Variants in FHIT observed in about 807,000 individuals in gnomAD.
FHIT encodes bis(5'-adenosyl)-triphosphatase.
FHIT carries 19 observed loss-of-function variants against 17.9 expected under a neutral mutation model. That is an observed-to-expected ratio of 1.06 (90% CI 0.74 to 1.56). The LOEUF (loss-of-function observed/expected upper bound fraction) is 1.56. FHIT is among the 40% of genes most tolerant of loss of function. The probability of loss-of-function intolerance (pLI) is 0.00; values close to 1 mark genes in which losing one functional copy is unlikely to be tolerated. For synonymous variants in FHIT, 81 were observed against 69.7 expected (o/e 1.16, Z -0.81); for missense variants, 248 against 189.2 (o/e 1.31, Z -1.82).
intron 5 of FHIT, among the ~76,000 whole-genome samples, chr3:60,162,923 T>C (rs982366931): frequency 6.6e-6 from 1 of 152,174 alleles, no homozygotes; most frequent in Non-Finnish European, 1.5e-5. Flanking sequence ...AGAATTGGTC[T>C]CAGGCTTACA....
At chr3:60,027,144 C>A (rs796520537) in intron 5 of FHIT, among the ~76,000 whole-genome samples, 42,359 of 116,512 alleles carry the variant, frequency 0.36, 7,356 homozygotes, top group East Asian at 0.59. Context: ...CACACACACA[C>A]ACACAAAATT....
At chr3:60,589,007 C>A (rs2037994616) in intron 4 of FHIT, among the ~76,000 whole-genome samples, 1 of 151,986 alleles carries the variant, frequency 6.6e-6, no homozygotes, top group Admixed American at 6.6e-5. Context: ...AAGACATTCT[C>A]CTGAGAAAGA....
chr3:60,537,139 A>T (rs1576834472), intron 4 of FHIT, among the ~76,000 whole-genome samples, 160 bp from the exon 5 acceptor site: 2 of 152,108 alleles, frequency 1.3e-5, no homozygotes, highest in East Asian at 3.9e-4. Context: ...GCATTCTGGG[A>T]AAGTCTTTCT....
At chr3:60,545,400 C>T (rs2036327291) in intron 4 of FHIT, among the ~76,000 whole-genome samples, 1 of 151,894 alleles carries the variant, frequency 6.6e-6, no homozygotes, top group South Asian at 2.1e-4. Context: ...TTTATTGTTT[C>T]TTTGGATTTA....
At chr3:60,347,990 C>T (rs1018245267) in intron 5 of FHIT, among the ~76,000 whole-genome samples, 15 of 152,204 alleles carry the variant, frequency 9.9e-5, no homozygotes, top group African/African-American at 2.6e-4. Flanking sequence ...AACTCCTCAC[C>T]TCAGTTGATC....
chr3:60,155,060 A>T (rs1417015148), intron 5 of FHIT, among the ~76,000 whole-genome samples: 1 of 151,664 alleles, frequency 6.6e-6, no homozygotes, highest in Admixed American at 6.6e-5. Flanking sequence ...CCAGGCATGC[A>T]CCTGTACTCT....
intron 3 of FHIT, among the ~76,000 whole-genome samples, chr3:60,911,459 C>T (rs926109858): frequency 6.6e-6 from 1 of 151,946 alleles, no homozygotes; most frequent in Non-Finnish European, 1.5e-5. Flanking sequence ...GAAGAGCAGT[C>T]ATGTCTACAG....
chr3:60,125,965 T>C (rs1007394224), intron 5 of FHIT, among the ~76,000 whole-genome samples: 2 of 152,164 alleles, frequency 1.3e-5, no homozygotes, highest in Non-Finnish European at 2.9e-5. Flanking sequence ...CTTCCTCCCC[T>C]TCTTTCTCTG....
At chr3:60,341,090 C>G (rs1710495502) in intron 5 of FHIT, among the ~76,000 whole-genome samples, 2 of 152,050 alleles carry the variant, frequency 1.3e-5, no homozygotes, top group Non-Finnish European at 2.9e-5. Flanking sequence ...TCTGCAGATC[C>G]ACAGAGCCAA....
At chr3:60,664,065 G>T (rs1190192148) in intron 4 of FHIT, among the ~76,000 whole-genome samples, 1 of 152,010 alleles carries the variant, frequency 6.6e-6, no homozygotes, top group Non-Finnish European at 1.5e-5. Flanking sequence ...GAACCTCCTG[G>T]CCTTGTTTCT....
chr3:60,713,666 T>C lies in FHIT; in HGVS notation c.-18+108253A>G, dbSNP rs1352030682. 5.9e-5 allele frequency among the ~76,000 whole-genome samples: 9 copies of C among 152,288 alleles called. No homozygotes were observed. In the East Asian group the frequency reaches 1.5e-3, roughly 26 times the overall value. The stretch of plus-strand genomic sequence containing the variant: ...TATAAACACCTCTATGCAAATAAAC[T>C]AGAAAATCTAGAAGAAATGGATAAA... On this transcript the variant is annotated intron_variant, in intron 4 of 9. Coordinates refer to ENST00000492590, the MANE Select transcript of FHIT (RefSeq NM_002012.4).
At chr3:61,219,201 C>A (rs768999535) in intron 1 of FHIT, among the ~76,000 whole-genome samples, 4 of 152,090 alleles carry the variant, frequency 2.6e-5, no homozygotes, top group Non-Finnish European at 5.9e-5. Context: ...TATTATGGAA[C>A]CATGGTCCTA....
intron 1 of FHIT, among the ~76,000 whole-genome samples, chr3:61,202,250 C>A (rs908131758): frequency 6.6e-6 from 1 of 150,984 alleles, no homozygotes; most frequent in Non-Finnish European, 1.5e-5. Context: ...TCTGCCCGGC[C>A]GCCCAACTAT....
chr3:60,885,845 A>T (rs1285383504), intron 3 of FHIT, among the ~76,000 whole-genome samples: 1 of 152,102 alleles, frequency 6.6e-6, no homozygotes, highest in African/African-American at 2.4e-5. Flanking sequence ...GCCTCCTCTA[A>T]TTGTCCTTTA....
At chr3:60,497,020 G>T (rs1240121420) in intron 5 of FHIT, among the ~76,000 whole-genome samples, 2 of 152,024 alleles carry the variant, frequency 1.3e-5, no homozygotes, top group African/African-American at 4.8e-5. Context: ...ACCAACTTCA[G>T]GTCAGTAAAC....
At chr3:60,235,418 G>C (rs1286535820) in intron 5 of FHIT, among the ~76,000 whole-genome samples, 2 of 151,978 alleles carry the variant, frequency 1.3e-5, no homozygotes, top group African/African-American at 4.8e-5. Context: ...TTTTAGTAGA[G>C]GCAGGGTTTC....
At chr3:60,008,378 T>A (rs1437202386) in intron 7 of FHIT, among the ~76,000 whole-genome samples, 2 of 152,164 alleles carry the variant, frequency 1.3e-5, no homozygotes, top group Non-Finnish European at 2.9e-5. Context: ...AAGAGGTCAC[T>A]TTTTTACTTT....
At chr3:60,709,409 T>C (rs1160587135) in intron 4 of FHIT, among the ~76,000 whole-genome samples, 3 of 152,212 alleles carry the variant, frequency 2.0e-5, no homozygotes, top group African/African-American at 7.2e-5. Context: ...TTCAAATAAC[T>C]GGATTTTTTC....
At chr3:60,164,367 T>C (rs1701064938) in intron 5 of FHIT, among the ~76,000 whole-genome samples, 1 of 152,214 alleles carries the variant, frequency 6.6e-6, no homozygotes, top group Non-Finnish European at 1.5e-5. Flanking sequence ...AGTATTGCCA[T>C]GCAGCCATGG....
Sources: gnomAD v4.1 joint callset for allele counts (sites outside exome capture counted in the v4.1 genomes callset) on GRCh38, gnomAD v4.1.1 for gene constraint, MANE v1.5 for transcripts, NCBI Gene and HGNC (gene_info 2026-07-23, HGNC 2026-07-21) for gene names.